KSR2: variants seen among roughly 807,000 people sequenced by gnomAD.
KSR2 encodes kinase suppressor of ras 2.
In KSR2, 25 loss-of-function variants were observed where a neutral mutation model predicts 107.8. That is an observed-to-expected ratio of 0.23 (90% CI 0.17 to 0.32). The LOEUF (loss-of-function observed/expected upper bound fraction) is 0.32, where lower values mean the gene tolerates loss of function less well. Ranked by LOEUF, KSR2 falls within the 10% of genes least tolerant of loss-of-function variation. KSR2 has a pLI of 1.00. For missense variants in KSR2, 887 were observed against 1,268.9 expected (o/e 0.70, Z 4.57); for synonymous variants, 480 against 507.0 (o/e 0.95, Z 0.71).
Position 117,968,423 on chromosome 12 carries a change from A to G in KSR2, c.-168T>C. On this transcript the variant is annotated 5_prime_UTR_variant, in exon 1 of 20. Coordinates refer to ENST00000339824, the MANE Select transcript of KSR2 (RefSeq NM_173598.6). Reference sequence around the variant, plus strand: ...ACAGGGTTGAGGGGGTGGGAGTGGGAGGAGGGGACAAGAGCCAAAATTTAT... The same window carrying G: ...ACAGGGTTGAGGGGGTGGGAGTGGGGGGAGGGGACAAGAGCCAAAATTTAT... 1 of 1,327,762 alleles carries G rather than the reference A, an allele frequency of 7.5e-7. No homozygotes were observed. Among genetic ancestry groups the G allele is most frequent in the Non-Finnish European group, 9.6e-7 (1 of 1,046,984 alleles). The allele number at this position is 1,327,762 out of a possible 1,614,324, so 82.2% of individuals were successfully genotyped here. A position where few individuals can be genotyped will look rare whatever the true frequency, so the allele number is the denominator to read the frequency against.
chr12:117,582,660 A>G (rs887684785), intron 5 of KSR2, among the ~76,000 whole-genome samples: 1 of 152,248 alleles, frequency 6.6e-6, no homozygotes, highest in African/African-American at 2.4e-5. Flanking sequence ...AGTGATTCGC[A>G]TGCCTTAGCT....
At position 117,470,139 on chromosome 12, in the gene KSR2, A is replaced by G. The variant is rs114104215; in HGVS notation, c.2713-344T>C. On this transcript the variant is annotated intron_variant, in intron 18 of 19. Transcript: ENST00000339824. ...CCACTCATCCACCCATCATGCATGC[A>G]TCTATATATCCACCCATCTATGTCA... 2.6e-3 allele frequency among the ~76,000 whole-genome samples: 398 copies of G among 151,526 alleles called. 4 individuals carry two copies. The highest frequency in any genetic ancestry group is 9.1e-3 in the African/African-American group (373 of 41,136).
chr12:117,490,536 T>G (rs1872693275), intron 14 of KSR2, among the ~76,000 whole-genome samples: 1 of 152,346 alleles, frequency 6.6e-6, no homozygotes, highest in African/African-American at 2.4e-5. Flanking sequence ...ACTACATTTC[T>G]TTCTTTGTAG....
intron 4 of KSR2, among the ~76,000 whole-genome samples, chr12:117,723,333 G>A (rs1258425622): frequency 6.6e-6 from 1 of 152,188 alleles, no homozygotes; most frequent in Non-Finnish European, 1.5e-5. Flanking sequence ...ACTTCCATGA[G>A]TTTAGATTTT....
chr12:117,717,538 TA>T (rs1565977058), intron 4 of KSR2, among the ~76,000 whole-genome samples: 1 of 151,662 alleles, frequency 6.6e-6, no homozygotes, highest in Admixed American at 6.6e-5. Flanking sequence ...ACATAAAAAT[TA>T]AAAAAAGAGG....
chr12:117,783,941 C>T (rs547945500), intron 3 of KSR2, among the ~76,000 whole-genome samples: 4 of 152,196 alleles, frequency 2.6e-5, no homozygotes, highest in Admixed American at 2.0e-4. Flanking sequence ...CACCAAAGCC[C>T]CCAAAAGATA....
At chr12:117,544,122 G>A (rs1022220513) in intron 9 of KSR2, among the ~76,000 whole-genome samples, 1 of 152,116 alleles carries the variant, frequency 6.6e-6, no homozygotes, top group African/African-American at 2.4e-5. Flanking sequence ...ATCTTTGTGC[G>A]GAATACAGGC....
chr12:117,949,425 A>G (rs970117116), intron 1 of KSR2, among the ~76,000 whole-genome samples: 2 of 152,226 alleles, frequency 1.3e-5, no homozygotes, highest in African/African-American at 4.8e-5. Flanking sequence ...GAAAATAAAT[A>G]GTATAATTTT....
At chr12:117,677,500 AGC>A (rs1885185422) in intron 4 of KSR2, among the ~76,000 whole-genome samples, 1 of 152,180 alleles carries the variant, frequency 6.6e-6, no homozygotes, top group Non-Finnish European at 1.5e-5. Flanking sequence ...TTGGACTTCC[AGC>A]CTCTAGAACT....
Position 117,473,499 on chromosome 12 carries a change from A to G in KSR2, c.2583-2179T>C, listed in dbSNP as rs370609463. Among the ~76,000 whole-genome samples the G allele has an allele frequency of 2.9e-4, 44 of 152,296 alleles. No homozygotes were observed. In the East Asian group the frequency reaches 8.1e-3, roughly 28 times the overall value. Reference sequence around the variant, plus strand: ...GCCAACGTGCTATCCTAGGAAGCTTAGACTCCATCCTATTTAAGAGTCCTT... The same window carrying G: ...GCCAACGTGCTATCCTAGGAAGCTTGGACTCCATCCTATTTAAGAGTCCTT... On this transcript the variant is annotated intron_variant, in intron 17 of 19. Coordinates refer to ENST00000339824, the MANE Select transcript of KSR2 (RefSeq NM_173598.6).
intron 5 of KSR2, among the ~76,000 whole-genome samples, chr12:117,582,606 C>T (rs961783788): frequency 2.0e-5 from 3 of 152,240 alleles, no homozygotes; most frequent in Admixed American, 6.5e-5. Context: ...AAGTGAGCAT[C>T]ACTTCCATTT....
chr12:117,953,845 G>A (rs116223261), intron 1 of KSR2, among the ~76,000 whole-genome samples: 1,623 of 152,250 alleles, frequency 0.011, 32 homozygotes, highest in African/African-American at 0.037. Flanking sequence ...TCCCAACACC[G>A]CTTTGAGGAC....
chr12:117,951,074 A>AT (rs1050970797), intron 1 of KSR2, among the ~76,000 whole-genome samples: 72 of 151,660 alleles, frequency 4.7e-4, no homozygotes, highest in Middle Eastern at 3.2e-3. Context: ...CACCCAGCTA[A>AT]TTTTTTTGTA....
At chr12:117,669,833 A>C (rs978272061) in intron 4 of KSR2, among the ~76,000 whole-genome samples, 1 of 152,040 alleles carries the variant, frequency 6.6e-6, no homozygotes, top group Non-Finnish European at 1.5e-5. Flanking sequence ...GTACCACTGC[A>C]CTCCAGCCTG....
At position 117,968,412 on chromosome 12, in the gene KSR2, G is replaced by T; in HGVS notation, c.-157C>A. On this transcript the variant is annotated 5_prime_UTR_variant, in exon 1 of 20. Coordinates refer to ENST00000339824, the MANE Select transcript of KSR2 (RefSeq NM_173598.6). ...CAACATCTCACACAGGGTTGAGGGG[G>T]TGGGAGTGGGAGGAGGGGACAAGAG... The T allele has an allele frequency of 7.5e-7, 1 of 1,330,654 alleles. No homozygotes were observed. Among genetic ancestry groups the T allele is most frequent in the Non-Finnish European group, 9.5e-7 (1 of 1,048,328 alleles). The allele number at this position is 1,330,654 out of a possible 1,614,324, so 82.4% of individuals were successfully genotyped here.
At chr12:117,767,146 G>A (rs1593215947) in intron 3 of KSR2, among the ~76,000 whole-genome samples, 1 of 151,040 alleles carries the variant, frequency 6.6e-6, no homozygotes, top group East Asian at 2.0e-4. Flanking sequence ...AGGCGCGGTG[G>A]CTCACGCCTG....
intron 16 of KSR2, 50 bp from the exon 17 acceptor site, chr12:117,476,645 C>T (rs540094523): frequency 1.9e-6 from 3 of 1,561,792 alleles, no homozygotes; most frequent in Admixed American, 3.6e-5. Context: ...CCAGGGTGGA[C>T]CAGTCCCCCT....
At chr12:117,611,594 G>C (rs1881602863) in intron 5 of KSR2, among the ~76,000 whole-genome samples, 1 of 152,096 alleles carries the variant, frequency 6.6e-6, no homozygotes, top group Admixed American at 6.5e-5. Context: ...GTGGACATCT[G>C]GGGTACTCAA....
intron 3 of KSR2, among the ~76,000 whole-genome samples, chr12:117,807,379 C>T (rs1169516994): frequency 6.6e-6 from 1 of 152,220 alleles, no homozygotes; most frequent in Non-Finnish European, 1.5e-5. Flanking sequence ...AACCCACTGT[C>T]ACTTTCGAAG....
Sources: gnomAD v4.1 joint callset for allele counts (sites outside exome capture counted in the v4.1 genomes callset) on GRCh38, gnomAD v4.1.1 for gene constraint, MANE v1.5 for transcripts, NCBI Gene and HGNC (gene_info 2026-07-23, HGNC 2026-07-21) for gene names.